Variants in KLF17 observed in about 807,000 individuals in gnomAD.
KLF17 encodes Krueppel-like factor 17.
Under a neutral mutation model 34.2 loss-of-function variants are expected in KLF17, and 31 were observed. That is an observed-to-expected ratio of 0.91 (90% CI 0.68 to 1.22). The LOEUF (loss-of-function observed/expected upper bound fraction) is 1.22, where lower values mean the gene tolerates loss of function less well. Among genes scored for constraint, KLF17 ranks in the 50% most tolerant of loss-of-function variants. KLF17 has a pLI of 0.00. For synonymous variants in KLF17, 179 were observed against 186.7 expected (o/e 0.96, Z 0.34); for missense variants, 478 against 505.2 (o/e 0.95, Z 0.52).
intron 2 of KLF17, 57 bp downstream of exon 2, chr1:44,130,253 C>A: frequency 3.9e-6 from 6 of 1,549,836 alleles, no homozygotes; most frequent in South Asian, 1.3e-5. Context: ...TTAGATTTGT[C>A]CTGGGCCACT....
At chr1:44,133,044 T>G (rs1297433767) in intron 3 of KLF17, among the ~76,000 whole-genome samples, 194 bp from the exon 4 acceptor site, 1 of 152,092 alleles carries the variant, frequency 6.6e-6, no homozygotes, top group Non-Finnish European at 1.5e-5. Context: ...CACAGAGAGA[T>G]GAATCAGAGC....
chr1:44,114,933 G>A (rs189572198), upstream of KLF17: 1 of 152,242 alleles, frequency 6.6e-6, no homozygotes, highest in African/African-American at 2.4e-5. Context: ...TTCATTTGGA[G>A]AATGCTTGGT....
chr1:44,102,615 G>GAAAAGA, the KLF17 span, among the ~76,000 whole-genome samples: 20 of 70,114 alleles, frequency 2.9e-4, no homozygotes, highest in Admixed American at 1.4e-3. Flanking sequence ...CACACACACA[G>GAAAAGA]AAAAGAAAAA....
chr1:44,053,496 A>C, the KLF17 span, among the ~76,000 whole-genome samples: 1 of 151,862 alleles, frequency 6.6e-6, no homozygotes, highest in East Asian at 1.9e-4. Context: ...GCAGAATTCC[A>C]CCTCAAAGTC....
Position 44,130,707 on chromosome 1 carries a change from CCAA to C in KLF17, c.1131_1133del (p.Asn378del), listed in dbSNP as rs34057178. The C allele has an allele frequency of 0.2, 325,734 of 1,613,268 alleles. 35,674 individuals carry two copies. Among genetic ancestry groups the C allele is most frequent in the South Asian group, 0.36 (32,611 of 91,056 alleles). On this transcript the variant is annotated inframe_deletion, in exon 3 of 4. Coordinates refer to ENST00000372299, the MANE Select transcript of KLF17 (RefSeq NM_173484.4). ...CGGCCGGGACCCTCAGACCCACAGG[CCAA>C]CAACAACAATGGAGAGCAGGACAGT...
the KLF17 span, among the ~76,000 whole-genome samples, chr1:44,099,853 G>T: frequency 2.5e-5 from 1 of 39,946 alleles, no homozygotes; most frequent in African/African-American, 9.4e-5. Flanking sequence ...AAGAAAGAAA[G>T]AAAGAAAGAA....
At chr1:44,130,337 C>G (rs1467886916) in intron 2 of KLF17, 141 bp downstream of exon 2, 2 of 1,420,764 alleles carry the variant, frequency 1.4e-6, no homozygotes, top group African/African-American at 2.9e-5. Context: ...CCCGACTTGC[C>G]ATACAGGAGG....
chr1:44,060,610 G>A, the KLF17 span, among the ~76,000 whole-genome samples: 46 of 152,202 alleles, frequency 3.0e-4, 1 homozygote, highest in South Asian at 6.8e-3. Flanking sequence ...AAGGAATTTG[G>A]GCAGCAATAG....
At chr1:44,048,834 T>TA in the KLF17 span, among the ~76,000 whole-genome samples, 8 of 152,204 alleles carry the variant, frequency 5.3e-5, no homozygotes, top group Admixed American at 1.3e-4. Flanking sequence ...TCTTTGTTTT[T>TA]ATGTGTGTAC....
At chr1:44,101,013 C>T in the KLF17 span, among the ~76,000 whole-genome samples, 1 of 152,138 alleles carries the variant, frequency 6.6e-6, no homozygotes. Context: ...TACTACAACA[C>T]TCTAATACCA....
At chr1:44,115,904 G>A (rs1248417683), upstream of KLF17, 3 of 152,046 alleles carry the variant, frequency 2.0e-5, no homozygotes, top group African/African-American at 7.2e-5. Flanking sequence ...TATGATGTGA[G>A]TATGCATACA....
At chr1:44,087,693 G>A in the KLF17 span, among the ~76,000 whole-genome samples, 1 of 141,000 alleles carries the variant, frequency 7.1e-6, no homozygotes, top group South Asian at 2.2e-4. Flanking sequence ...TGACTATGCA[G>A]AGAGCTCTCT....
chr1:44,059,253 T>C, the KLF17 span, among the ~76,000 whole-genome samples: 1 of 152,172 alleles, frequency 6.6e-6, no homozygotes, highest in Non-Finnish European at 1.5e-5. Context: ...AATTTTTCTC[T>C]TCTTCCTGAT....
chr1:44,124,206 T>C (rs1424117499), intron 1 of KLF17, among the ~76,000 whole-genome samples: 1 of 152,182 alleles, frequency 6.6e-6, no homozygotes, highest in Non-Finnish European at 1.5e-5. Context: ...TTCCAAAGTA[T>C]TTTACTTTCA....
At chr1:44,095,277 G>A in the KLF17 span, among the ~76,000 whole-genome samples, 40 of 145,274 alleles carry the variant, frequency 2.8e-4, 1 homozygote, top group East Asian at 2.2e-3. Flanking sequence ...GTGCAATGGC[G>A]TGATCTCAGC....
At chr1:44,100,703 C>T in the KLF17 span, among the ~76,000 whole-genome samples, 7 of 151,700 alleles carry the variant, frequency 4.6e-5, no homozygotes, top group African/African-American at 1.2e-4. Context: ...TCACCTAGGC[C>T]GGAGTGCAGT....
chr1:44,103,960 G>C, the KLF17 span: 3 of 865,396 alleles, frequency 3.5e-6, no homozygotes, highest in East Asian at 2.4e-5. Context: ...GCCCGCCTGC[G>C]GTTGGCGATC....
intron 1 of KLF17, among the ~76,000 whole-genome samples, chr1:44,120,623 T>C (rs988420149): frequency 6.6e-6 from 1 of 152,052 alleles, no homozygotes; most frequent in African/African-American, 2.4e-5. Context: ...CAGAGCAAAT[T>C]TGGGAGACTC....
chr1:44,127,745 TTC>T (rs1430009695), intron 1 of KLF17, among the ~76,000 whole-genome samples: 1 of 148,618 alleles, frequency 6.7e-6, no homozygotes, highest in Non-Finnish European at 1.5e-5. Flanking sequence ...CTTTTCTTTC[TTC>T]TCTTTTCTTT....
Sources: gnomAD v4.1 joint callset for allele counts (sites outside exome capture counted in the v4.1 genomes callset) on GRCh38, gnomAD v4.1.1 for gene constraint, MANE v1.5 for transcripts, NCBI Gene and HGNC (gene_info 2026-07-23, HGNC 2026-07-21) for gene names.